The following SYN2 variants were observed in gnomAD, a reference collection of about 807,000 sequenced individuals.
The protein encoded by SYN2 is synapsin-2.
Under a neutral mutation model 50.9 loss-of-function variants are expected in SYN2, and 19 were observed. The ratio of observed to expected loss-of-function variants is 0.37; its 90% CI spans 0.26 to 0.55. The LOEUF (loss-of-function observed/expected upper bound fraction) is 0.55. Among genes scored for constraint, SYN2 ranks in the 20% least tolerant of loss-of-function variants. The probability of loss-of-function intolerance (pLI) is 0.81; values close to 1 mark genes in which losing one functional copy is unlikely to be tolerated. For missense variants in SYN2, 587 were observed against 576.4 expected, an observed-to-expected ratio of 1.02 and a Z score of -0.19; for synonymous variants, 255 against 224.9, an observed-to-expected ratio of 1.13 and a Z score of -1.20.
At chr3:12,102,657 C>G (rs887087769) in intron 1 of SYN2, among the ~76,000 whole-genome samples, 2 of 152,056 alleles carry the variant, frequency 1.3e-5, no homozygotes, top group Admixed American at 1.3e-4. Context: ...AACGCATGGT[C>G]TTCAGAATAA....
chr3:12,150,982 T>C (rs546696025), intron 4 of SYN2, among the ~76,000 whole-genome samples: 132 of 152,360 alleles, frequency 8.7e-4, no homozygotes, highest in Non-Finnish European at 1.2e-3. Flanking sequence ...GATAAAATAC[T>C]AGTTCATCAA....
At chr3:12,070,445 C>G (rs1695324845) in intron 1 of SYN2, 4 of 562,482 alleles carry the variant, frequency 7.1e-6, no homozygotes, top group Non-Finnish European at 1.4e-5. Flanking sequence ...ACTCTGACCC[C>G]ATTGAGCGTG....
intron 1 of SYN2, among the ~76,000 whole-genome samples, chr3:12,082,392 T>TTTAG (rs1264282161): frequency 6.6e-6 from 1 of 152,208 alleles, no homozygotes; most frequent in Non-Finnish European, 1.5e-5. Flanking sequence ...TTAGGCACAG[T>TTTAG]GAACCACTCT....
At chr3:12,117,851 T>G (rs1696466361) in intron 1 of SYN2, among the ~76,000 whole-genome samples, 1 of 152,194 alleles carries the variant, frequency 6.6e-6, no homozygotes, top group Non-Finnish European at 1.5e-5. Context: ...TGGAAACAGA[T>G]TCCCATATCT....
At chr3:12,157,364 T>A in intron 5 of SYN2, 1 of 1,610,804 alleles carries the variant, frequency 6.2e-7, no homozygotes, top group Non-Finnish European at 8.5e-7. Flanking sequence ...GGGCTACACA[T>A]CCCAGCCTGC....
At chr3:12,087,807 G>A (rs1223163839) in intron 1 of SYN2, among the ~76,000 whole-genome samples, 3 of 151,938 alleles carry the variant, frequency 2.0e-5, no homozygotes, top group Non-Finnish European at 4.4e-5. Flanking sequence ...TTTCAACAAA[G>A]GTGCTAAGAA....
rs776062907 is a variant in SYN2 at position 12,151,234 on chromosome 3, C to T, written c.685-3C>T. 2 of 1,609,156 alleles carry T rather than the reference C, an allele frequency of 1.2e-6. No homozygotes were observed. The highest frequency in any genetic ancestry group is 1.7e-6 in the Non-Finnish European group (2 of 1,177,560). Reference sequence around the variant, plus strand: ...AGCTGTAACATTTGCTTTTCTTTTGCAGTTTGCCCAGCTGGTCGCTATCTA... The same window carrying T: ...AGCTGTAACATTTGCTTTTCTTTTGTAGTTTGCCCAGCTGGTCGCTATCTA... On this transcript the variant is annotated splice_polypyrimidine_tract_variant and splice_region_variant and intron_variant, in intron 4 of 12. Transcript: ENST00000621198.
intron 5 of SYN2, among the ~76,000 whole-genome samples, chr3:12,159,656 G>A (rs747736310): frequency 2.6e-5 from 4 of 152,152 alleles, no homozygotes; most frequent in Non-Finnish European, 4.4e-5. Flanking sequence ...GGACCTCAAA[G>A]CCCTCTCGAG....
intron 1 of SYN2, among the ~76,000 whole-genome samples, chr3:12,057,363 A>T (rs1695017127): frequency 6.8e-6 from 1 of 147,476 alleles, no homozygotes; most frequent in African/African-American, 2.5e-5. Context: ...TTTTTAGGGG[A>T]ATTGTTTTTC....
At chr3:12,107,409 G>A (rs935981027) in intron 1 of SYN2, among the ~76,000 whole-genome samples, 9 of 152,086 alleles carry the variant, frequency 5.9e-5, no homozygotes, top group Non-Finnish European at 2.9e-5. Context: ...ACATTTGCTC[G>A]GTCCTTATTG....
intron 1 of SYN2, among the ~76,000 whole-genome samples, chr3:12,025,031 G>C (rs1362964095): frequency 1.3e-5 from 2 of 152,198 alleles, no homozygotes; most frequent in Admixed American, 6.5e-5. Context: ...TCTGAGATCA[G>C]GGTGCCAGCG....
chr3:12,078,329 T>A (rs1488400871), intron 1 of SYN2, among the ~76,000 whole-genome samples: 1 of 152,252 alleles, frequency 6.6e-6, no homozygotes, highest in African/African-American at 2.4e-5. Context: ...ATATCCCATT[T>A]GTCAATTTTT....
At chr3:12,111,407 A>G (rs727681) in intron 1 of SYN2, among the ~76,000 whole-genome samples, 8,080 of 152,116 alleles carry the variant, frequency 0.053, 751 homozygotes, top group African/African-American at 0.18. Context: ...ACACTTACCT[A>G]ATGGGGTTGT....
At chr3:12,129,858 G>T (rs1696755052) in intron 1 of SYN2, among the ~76,000 whole-genome samples, 1 of 152,140 alleles carries the variant, frequency 6.6e-6, no homozygotes, top group Non-Finnish European at 1.5e-5. Flanking sequence ...GGTATTTGGA[G>T]GTGGGGCCTT....
intron 8 of SYN2, 111 bp downstream of exon 8, chr3:12,167,419 C>T (rs1376107212): frequency 9.0e-7 from 1 of 1,116,444 alleles, no homozygotes; most frequent in African/African-American, 1.6e-5. Context: ...GCAAACCGGA[C>T]AGATAAAACA....
intron 1 of SYN2, among the ~76,000 whole-genome samples, chr3:12,047,886 T>C (rs1470320038): frequency 2.0e-5 from 3 of 152,220 alleles, no homozygotes. Flanking sequence ...ACCTGTTTTT[T>C]GCTGTAAACC....
intron 1 of SYN2, among the ~76,000 whole-genome samples, chr3:12,043,248 G>A (rs1041218530): frequency 7.9e-5 from 12 of 152,022 alleles, no homozygotes; most frequent in Admixed American, 6.6e-4. Flanking sequence ...GGTCTCGAGC[G>A]CCTGACTTCA....
At chr3:12,185,037 A>T (rs1355189999) in intron 11 of SYN2, 4 of 985,664 alleles carry the variant, frequency 4.1e-6, no homozygotes, top group Non-Finnish European at 4.8e-6. Flanking sequence ...TTCTCCTTTG[A>T]TTGCTGGTAA....
intron 1 of SYN2, among the ~76,000 whole-genome samples, chr3:12,010,339 T>A (rs139617653): frequency 1.3e-5 from 2 of 149,516 alleles, no homozygotes; most frequent in African/African-American, 5.1e-5. Flanking sequence ...GAGGCCTAAA[T>A]AGGAAGTTTT....
Sources: allele counts gnomAD v4.1 joint callset (sites outside exome capture counted in the v4.1 genomes callset), GRCh38; gene constraint gnomAD v4.1.1; transcripts MANE v1.5; gene names NCBI Gene and HGNC (gene_info 2026-07-23, HGNC 2026-07-21).